Variants in AGAP1 observed in about 807,000 individuals in gnomAD.
The protein encoded by AGAP1 is arf-GAP with GTPase, ANK repeat and PH domain-containing protein 1.
In AGAP1, 29 loss-of-function variants were observed where a neutral mutation model predicts 105.3. The observed-to-expected ratio is 0.28, with a 90% CI of 0.21 to 0.38. AGAP1 has a LOEUF of 0.38. Ranked by LOEUF, AGAP1 falls within the 10% of genes least tolerant of loss-of-function variation. AGAP1 has a pLI of 1.00. For missense variants in AGAP1, 998 were observed against 1,165.1 expected (o/e 0.86, Z 2.09); for synonymous variants, 509 against 485.9 (o/e 1.05, Z -0.63).
At chr2:235,536,268 C>T (rs1943219447) in intron 1 of AGAP1, among the ~76,000 whole-genome samples, 1 of 29,080 alleles carries the variant, frequency 3.4e-5, no homozygotes. Flanking sequence ...CACACACACA[C>T]ACACACACAG....
intron 1 of AGAP1, among the ~76,000 whole-genome samples, chr2:235,630,184 A>G (rs1946780836): frequency 6.6e-6 from 1 of 152,154 alleles, no homozygotes; most frequent in African/African-American, 2.4e-5. Flanking sequence ...ACGATTGTTA[A>G]TATTTTAGTG....
At position 235,590,145 on chromosome 2, in the gene AGAP1, T is replaced by C. The variant is rs191906043; in HGVS notation, c.163+95296T>C. ...ATCTGCCCGCCTCGGCCTCCCAAAG[T>C]GCTGGGATTCCAGGCGTGAGCCACC... On this transcript the variant is annotated intron_variant, in intron 1 of 17. Coordinates refer to ENST00000304032, the MANE Select transcript of AGAP1 (RefSeq NM_001037131.3). Among the ~76,000 whole-genome samples, 3 of 152,314 alleles carry C rather than the reference T, an allele frequency of 2.0e-5. 1 individual carries two copies. The highest frequency in any genetic ancestry group is 2.0e-4 in the Admixed American group (3 of 15,308).
intron 8 of AGAP1, among the ~76,000 whole-genome samples, chr2:235,802,852 A>ATGATGGTTG (rs1957582026): frequency 8.4e-6 from 1 of 119,404 alleles, no homozygotes; most frequent in African/African-American, 3.3e-5. Context: ...GGTTGTGATG[A>ATGATGGTTG]TGGTTGTGAT....
intron 6 of AGAP1, among the ~76,000 whole-genome samples, chr2:235,763,808 T>C (rs776300358): frequency 1.8e-4 from 28 of 152,226 alleles, no homozygotes; most frequent in Non-Finnish European, 3.1e-4. Context: ...TGTTTTGTTA[T>C]CTGATTTCCC....
intron 1 of AGAP1, 23 bp downstream of exon 1, chr2:235,494,872 G>C: frequency 6.5e-7 from 1 of 1,541,212 alleles, no homozygotes; most frequent in East Asian, 2.7e-5. Context: ...CCGCCTTGGG[G>C]CCTCGGGAAG....
chr2:235,651,254 A>T (rs1167952399), intron 1 of AGAP1, among the ~76,000 whole-genome samples: 2 of 147,954 alleles, frequency 1.4e-5, no homozygotes, highest in African/African-American at 4.9e-5. Context: ...AGGCCGAGGA[A>T]CCTGGTGGAC....
At chr2:235,803,870 A>G (rs780240229) in intron 8 of AGAP1, among the ~76,000 whole-genome samples, 52 of 151,946 alleles carry the variant, frequency 3.4e-4, no homozygotes, top group Middle Eastern at 6.8e-3. Context: ...ATTTCTTTGG[A>G]AAAAAAACAA....
At chr2:235,735,977 C>T (rs1040709562) in intron 3 of AGAP1, among the ~76,000 whole-genome samples, 4 of 149,488 alleles carry the variant, frequency 2.7e-5, no homozygotes, top group African/African-American at 7.6e-5. Context: ...AGAAGGGATG[C>T]GGGTTCCGTT....
At chr2:236,043,030 T>C (rs554533960) in intron 15 of AGAP1, among the ~76,000 whole-genome samples, 6 of 152,268 alleles carry the variant, frequency 3.9e-5, no homozygotes, top group African/African-American at 1.4e-4. Context: ...CAAAGCAGGA[T>C]TCAAACCCAT....
intron 1 of AGAP1, among the ~76,000 whole-genome samples, chr2:235,585,643 T>A (rs1174079014): frequency 6.6e-6 from 1 of 152,206 alleles, no homozygotes; most frequent in Non-Finnish European, 1.5e-5. Context: ...TAGGTGATTC[T>A]CAATCTAGGT....
At chr2:236,103,272 C>T (rs1259173656) in intron 16 of AGAP1, among the ~76,000 whole-genome samples, 7 of 152,182 alleles carry the variant, frequency 4.6e-5, no homozygotes, top group East Asian at 1.9e-4. Flanking sequence ...TCAGTCACCC[C>T]GGGTGCCAAG....
At chr2:235,868,240 T>G (rs2049275250) in intron 9 of AGAP1, among the ~76,000 whole-genome samples, 2 of 152,124 alleles carry the variant, frequency 1.3e-5, no homozygotes, top group South Asian at 4.2e-4. Context: ...TGCATGGATG[T>G]TTTTAAGCCA....
intron 7 of AGAP1, 33 bp downstream of exon 7, chr2:235,797,919 A>G (rs767019494): frequency 6.2e-7 from 1 of 1,612,626 alleles, no homozygotes; most frequent in Non-Finnish European, 8.5e-7. Flanking sequence ...TCAGACTCTT[A>G]GAACCAAAGA....
chr2:235,501,519 C>G (rs1480742660), intron 1 of AGAP1, among the ~76,000 whole-genome samples: 2 of 152,154 alleles, frequency 1.3e-5, no homozygotes, highest in African/African-American at 4.8e-5. Context: ...GGAAGTGACT[C>G]ATAAGGGAGA....
At chr2:235,717,177 T>A (rs1018254281) in intron 2 of AGAP1, among the ~76,000 whole-genome samples, 9 of 152,190 alleles carry the variant, frequency 5.9e-5, no homozygotes, top group Non-Finnish European at 1.3e-4. Context: ...CACTCACCTC[T>A]GCCCTCGGGT....
intron 9 of AGAP1, among the ~76,000 whole-genome samples, chr2:235,831,179 T>A (rs1170356056): frequency 1.6e-5 from 2 of 121,468 alleles, no homozygotes; most frequent in Non-Finnish European, 3.6e-5. Context: ...TTCACTCTTC[T>A]TCTTTAAAAA....
intron 13 of AGAP1, among the ~76,000 whole-genome samples, chr2:235,984,493 T>TTAA (rs2055224297): frequency 7.2e-6 from 1 of 139,304 alleles, no homozygotes; most frequent in Non-Finnish European, 1.5e-5. Context: ...CTTTATTTCT[T>TTAA]AAAAAAAAAA....
At chr2:235,685,572 C>A (rs1273776356) in intron 1 of AGAP1, among the ~76,000 whole-genome samples, 1 of 151,810 alleles carries the variant, frequency 6.6e-6, no homozygotes, top group African/African-American at 2.4e-5. Context: ...CACTGCTCCA[C>A]GCGTATACAG....
In AGAP1 at chr2:236,081,717, T is replaced by G. The variant is rs2058789830; in HGVS notation, c.2114+32436T>G. ...AATTATCTGTATAAAATACTTTTTTTCTTTTAAGTAGAATCCTATTGCTAA... is the reference window on the plus strand; with the variant it reads ...AATTATCTGTATAAAATACTTTTTTGCTTTTAAGTAGAATCCTATTGCTAA... On this transcript the variant is annotated intron_variant, in intron 16 of 17. Coordinates refer to ENST00000304032, the MANE Select transcript of AGAP1 (RefSeq NM_001037131.3). Among the ~76,000 whole-genome samples, 5 of 152,134 alleles carry G rather than the reference T, an allele frequency of 3.3e-5. No homozygotes were observed. In the South Asian group the frequency reaches 1.0e-3, roughly 32 times the overall value.
Sources: gnomAD v4.1 joint callset for allele counts (sites outside exome capture counted in the v4.1 genomes callset) on GRCh38, gnomAD v4.1.1 for gene constraint, MANE v1.5 for transcripts, NCBI Gene and HGNC (gene_info 2026-07-23, HGNC 2026-07-21) for gene names.